Variants in NARS2 observed in about 807,000 individuals in gnomAD.
NARS2 encodes asparaginyl-tRNA synthetase 2, mitochondrial.
A neutral mutation model predicts 62.9 loss-of-function variants in NARS2; 60 were observed. That is an observed-to-expected ratio of 0.95 (90% CI 0.77 to 1.18). NARS2 has a LOEUF of 1.18. Ranked by LOEUF, NARS2 falls within the 50% of genes most tolerant of loss-of-function variation. NARS2 has a pLI of 0.00. For missense variants in NARS2, 619 were observed against 576.4 expected (o/e 1.07, Z -0.76); for synonymous variants, 196 against 200.0 (o/e 0.98, Z 0.17).
At chr11:78,566,691 C>T (rs1856757533) in intron 3 of NARS2, among the ~76,000 whole-genome samples, 1 of 152,152 alleles carries the variant, frequency 6.6e-6, no homozygotes, top group African/African-American at 2.4e-5. Flanking sequence ...TTAAAATTAC[C>T]TATATGTCTT....
intron 5 of NARS2, among the ~76,000 whole-genome samples, chr11:78,544,603 G>A (rs1855774288): frequency 6.6e-6 from 1 of 151,988 alleles, no homozygotes; most frequent in Non-Finnish European, 1.5e-5. Context: ...GACCATCCTG[G>A]CTAACACGGT....
intron 9 of NARS2, 123 bp downstream of exon 9, chr11:78,478,315 G>A: frequency 3.1e-6 from 1 of 318,874 alleles, no homozygotes; most frequent in Non-Finnish European, 5.5e-6. Flanking sequence ...CATATAATAT[G>A]TCTATATATA....
chr11:78,526,863 A>G (rs1460732320), intron 6 of NARS2, among the ~76,000 whole-genome samples: 3 of 152,224 alleles, frequency 2.0e-5, no homozygotes, highest in African/African-American at 7.2e-5. Flanking sequence ...AAGGCTGTTA[A>G]GAAAGGTTAT....
Position 78,436,647 on chromosome 11 carries a change from C to A in NARS2, c.*23G>T, listed in dbSNP as rs200821636. ...TGCAGTGTCTCTGCCATGGGGGGTG[C>A]TTTTCCTTAACCAATCTTCCAGCTA... On this transcript the variant is annotated 3_prime_UTR_variant, in exon 14 of 14. Coordinates refer to ENST00000281038, the MANE Select transcript of NARS2 (RefSeq NM_024678.6). 50 of 1,613,490 alleles carry A rather than the reference C, an allele frequency of 3.1e-5. No homozygotes were observed. The Admixed American group carries it at 8.2e-4, about 26-fold the overall frequency.
intron 6 of NARS2, among the ~76,000 whole-genome samples, chr11:78,512,261 C>A (rs192907771): frequency 7.2e-5 from 11 of 152,324 alleles, no homozygotes; most frequent in African/African-American, 2.4e-4. Context: ...TGAAACCCAG[C>A]AGCTTGTTCC....
chr11:78,530,635 G>T (rs1207531925), intron 5 of NARS2, among the ~76,000 whole-genome samples: 2 of 152,148 alleles, frequency 1.3e-5, no homozygotes, highest in African/African-American at 4.8e-5. Flanking sequence ...AACATGCCCA[G>T]CTAATTTTTG....
chr11:78,477,232 C>T (rs1202986333), intron 9 of NARS2, among the ~76,000 whole-genome samples: 1 of 152,160 alleles, frequency 6.6e-6, no homozygotes, highest in Non-Finnish European at 1.5e-5. Context: ...TCAATATACT[C>T]ATGCCCAAGA....
At chr11:78,559,840 C>A (rs993921498) in intron 4 of NARS2, among the ~76,000 whole-genome samples, 1 of 152,174 alleles carries the variant, frequency 6.6e-6, no homozygotes, top group Non-Finnish European at 1.5e-5. Context: ...ATTAACTAGT[C>A]CAACATCTTC....
At chr11:78,555,505 T>G (rs1423988068) in intron 5 of NARS2, 2 of 152,242 alleles carry the variant, frequency 1.3e-5, no homozygotes, top group Non-Finnish European at 2.9e-5. Flanking sequence ...TAGTTTCTGA[T>G]GGTTGTTTAC....
At chr11:78,528,691 G>A in intron 6 of NARS2, 151 bp downstream of exon 6, 1 of 594,902 alleles carries the variant, frequency 1.7e-6, no homozygotes, top group South Asian at 2.0e-5. Context: ...ACAAAAGTCT[G>A]TACTACAAGT....
chr11:78,557,884 C>T (rs1416379281), intron 5 of NARS2, among the ~76,000 whole-genome samples: 1 of 149,016 alleles, frequency 6.7e-6, no homozygotes, highest in African/African-American at 2.5e-5. Context: ...ATGGGATTTC[C>T]CTGGTAGCAA....
chr11:78,551,065 G>A (rs1462981659), intron 5 of NARS2, among the ~76,000 whole-genome samples: 2 of 152,184 alleles, frequency 1.3e-5, no homozygotes, highest in East Asian at 3.9e-4. Context: ...AGCTAAGGGT[G>A]GGAATGGCAA....
intron 5 of NARS2, among the ~76,000 whole-genome samples, chr11:78,543,804 G>A (rs902020007): frequency 4.6e-5 from 7 of 151,948 alleles, no homozygotes; most frequent in African/African-American, 9.7e-5. Flanking sequence ...AGGCCAAGGC[G>A]GGCAGACCAC....
chr11:78,531,231 C>G (rs1052438702), intron 5 of NARS2, among the ~76,000 whole-genome samples: 1 of 151,000 alleles, frequency 6.6e-6, no homozygotes, highest in African/African-American at 2.4e-5. Flanking sequence ...AAAAAAAAGG[C>G]AAATTAAAAA....
chr11:78,511,338 C>T (rs927964888), intron 6 of NARS2, among the ~76,000 whole-genome samples: 1 of 152,154 alleles, frequency 6.6e-6, no homozygotes, highest in Admixed American at 6.5e-5. Flanking sequence ...CTTGTCCTCC[C>T]CAAGTGCTGG....
chr11:78,469,220 CAT>C (rs1314917028), intron 10 of NARS2, 25 bp downstream of exon 10: 7 of 1,499,662 alleles, frequency 4.7e-6, no homozygotes, highest in African/African-American at 1.4e-5. Flanking sequence ...TTCACACACA[CAT>C]ATATACATAC....
At chr11:78,530,532 G>A (rs1239242189) in intron 5 of NARS2, among the ~76,000 whole-genome samples, 1 of 152,182 alleles carries the variant, frequency 6.6e-6, no homozygotes, top group Non-Finnish European at 1.5e-5. Context: ...GAAGTGCAGT[G>A]GCGCGATCTT....
chr11:78,562,921 A>G (rs1220520186), intron 4 of NARS2, among the ~76,000 whole-genome samples: 1 of 152,206 alleles, frequency 6.6e-6, no homozygotes, highest in African/African-American at 2.4e-5. Flanking sequence ...TGGAGGCTTA[A>G]CATCTTTTAG....
At chr11:78,462,376 A>G (rs1439622739) in intron 11 of NARS2, among the ~76,000 whole-genome samples, 39 of 152,226 alleles carry the variant, frequency 2.6e-4, no homozygotes, top group Admixed American at 2.6e-3. Context: ...TAGAAAAAAG[A>G]GAATATAAGA....
Sources: gnomAD v4.1 joint callset for allele counts (sites outside exome capture counted in the v4.1 genomes callset) on GRCh38, gnomAD v4.1.1 for gene constraint, MANE v1.5 for transcripts, NCBI Gene and HGNC (gene_info 2026-07-23, HGNC 2026-07-21) for gene names.